CKAP2L: variants seen among roughly 807,000 people sequenced by gnomAD.
CKAP2L encodes the protein cytoskeleton associated protein 2L, also known as cytoskeleton-associated protein 2-like.
Under a neutral mutation model 65.7 loss-of-function variants are expected in CKAP2L, and 42 were observed. The ratio of observed to expected loss-of-function variants is 0.64; its 90% CI spans 0.50 to 0.83. The LOEUF (loss-of-function observed/expected upper bound fraction) is 0.83, where lower values mean the gene tolerates loss of function less well. Ranked by LOEUF, CKAP2L falls within the 40% of genes least tolerant of loss-of-function variation. The probability of loss-of-function intolerance (pLI) is 0.00; values close to 1 mark genes in which losing one functional copy is unlikely to be tolerated. For missense variants in CKAP2L, 908 were observed against 871.0 expected, an observed-to-expected ratio of 1.04 and a Z score of -0.53; for synonymous variants, 325 against 313.5, an observed-to-expected ratio of 1.04 and a Z score of -0.39.
chr2:112,741,034 G>GT (rs748267398), intron 7 of CKAP2L, 27 bp from the exon 8 acceptor site: 8 of 1,493,220 alleles, frequency 5.4e-6, no homozygotes, highest in Middle Eastern at 1.8e-4. Flanking sequence ...ATGAAGGAAA[G>GT]TAAGATTTAC....
rs1680758689 is a variant in CKAP2L at position 112,762,589 on chromosome 2, A to C, written c.38-20T>G. 2 of 1,596,652 alleles carry C rather than the reference A, an allele frequency of 1.3e-6. No homozygotes were observed. The highest frequency in any genetic ancestry group is 1.7e-5 in the Admixed American group (1 of 59,972). On this transcript the variant is annotated intron_variant, in intron 1 of 8. Transcript: ENST00000302450. ...GCTCTTCTGCAACACAGGCAAGCAA[A>C]CAAACGACATAACTTTAGTTCAAGA...
chr2:112,763,897 G>A (rs1680809415), intron 1 of CKAP2L: 1 of 152,220 alleles, frequency 6.6e-6, no homozygotes, highest in Middle Eastern at 3.2e-3. Context: ...CATCTTTAAA[G>A]CTTGTTATGT....
chr2:112,740,228 T>G (rs1182938423), intron 8 of CKAP2L, among the ~76,000 whole-genome samples: 1 of 152,188 alleles, frequency 6.6e-6, no homozygotes. Context: ...AGTTTAGGAT[T>G]GGAAGAGATT....
chr2:112,756,763 A>G lies in CKAP2L; in HGVS notation c.608T>C (p.Leu203Ser). The change falls in exon 4 of 9, where the codon TTA becomes TCA. Residue 203 changes from leucine to serine, a missense_variant. By Grantham distance (145) the Leu-to-Ser change is moderately radical. Transcript: ENST00000302450. ...AGTCTTTGGCTTACTTCTGGTATAT[A>G]ATTTAGGATCTGGCTTCCTCTCAGG... Reference protein sequence around the residue: ...TEPERKPDPKLYTRSKPKTDS... With the variant: ...TEPERKPDPKSYTRSKPKTDS... 1 of 1,602,778 alleles carries G rather than the reference A, an allele frequency of 6.2e-7. No homozygotes were observed. The highest frequency in any genetic ancestry group is 8.5e-7 in the Non-Finnish European group (1 of 1,176,728).
chr2:112,756,515 G>C lies in CKAP2L; in HGVS notation c.856C>G (p.Leu286Val), dbSNP rs186817501. 6.2e-7 allele frequency: 1 copy of C among 1,609,254 alleles called. No individual in the cohort carries two copies. Among genetic ancestry groups the C allele is most frequent in the Non-Finnish European group, 8.5e-7 (1 of 1,178,124 alleles). Residue 286 changes from leucine to valine, a missense_variant, in exon 4 of 9, where the codon CTT (leucine) becomes GTT (valine). Leu to Val is a conservative substitution (Grantham distance 32, BLOSUM62 1). Transcript: ENST00000302450. ...TTCTTTGATGACTGAACTTTACTAA[G>C]GGTCCGAATAAAGTGAGAGGGAACC... The part of the protein sequence containing the change: ...RTVPSHFIRT[L>V]SKVQSSKKPV...
At chr2:112,743,118 C>T (rs1680074294) in intron 6 of CKAP2L, among the ~76,000 whole-genome samples, 1 of 152,068 alleles carries the variant, frequency 6.6e-6, no homozygotes, top group Non-Finnish European at 1.5e-5. Flanking sequence ...TAAAGCTAGC[C>T]ACACAGAAAA....
Position 112,742,558 on chromosome 2 carries a change from T to C in CKAP2L, c.1822+148A>G, listed in dbSNP as rs545641666. ...GTAATAATACAAATAAGTCAGCTGA[T>C]GACAATGGCTGAAAGGGCCAGGTCA... On this transcript the variant is annotated intron_variant, in intron 7 of 8. Coordinates refer to ENST00000302450, the MANE Select transcript of CKAP2L (RefSeq NM_152515.5). 5 of 707,988 alleles carry C rather than the reference T, an allele frequency of 7.1e-6. No individual in the cohort carries two copies. The East Asian group carries it at 1.3e-4, about 19-fold the overall frequency. 43.9% of individuals were successfully genotyped at this position (707,988 alleles called of 1,614,324 possible).
chr2:112,748,797 T>C (rs6724272), intron 5 of CKAP2L, among the ~76,000 whole-genome samples: 79,630 of 151,052 alleles, frequency 0.53, 22,273 homozygotes, highest in African/African-American at 0.74. Context: ...CCAGGAGGTT[T>C]AAAGTTGCAG....
At position 112,762,745 on chromosome 2, in the gene CKAP2L, T is replaced by C. The variant is rs373892229; in HGVS notation, c.38-176A>G. ...GCTAACATCAACATCAACAATATCA[T>C]TTATATGCCAGGCCTACACTAAGTT... On this transcript the variant is annotated intron_variant, in intron 1 of 8. Transcript: ENST00000302450. 1.3e-4 allele frequency among the ~76,000 whole-genome samples: 20 copies of C among 152,258 alleles called. No individual in the cohort carries two copies. In the East Asian group the frequency reaches 2.3e-3, roughly 18 times the overall value.
At chr2:112,763,767 C>A (rs1248262673) in intron 1 of CKAP2L, 2 of 152,216 alleles carry the variant, frequency 1.3e-5, no homozygotes, top group African/African-American at 4.8e-5. Flanking sequence ...TCCTTAGAGA[C>A]AGCTTGGCGG....
chr2:112,741,503 C>T (rs1035375266), intron 7 of CKAP2L, among the ~76,000 whole-genome samples: 17 of 152,288 alleles, frequency 1.1e-4, no homozygotes, highest in Middle Eastern at 6.8e-3. Context: ...AACACAATCA[C>T]CAAAATGAAA....
At position 112,764,418 on chromosome 2, in the gene CKAP2L, G is replaced by T. The variant is rs979090303; in HGVS notation, c.37+144C>A. On this transcript the variant is annotated intron_variant, in intron 1 of 8. Coordinates refer to ENST00000302450, the MANE Select transcript of CKAP2L (RefSeq NM_152515.5). ...ACGTCTACCTGGGGGTCCCGTCTGC[G>T]CTCCCGGGATGGAAAACGCCCAGGG... The T allele has an allele frequency of 1.0e-5, 9 of 882,836 alleles. No homozygotes were observed. The African/African-American group carries it at 1.3e-4, about 13-fold the overall frequency. The allele number at this position is 882,836 out of a possible 1,614,324, so 54.7% of individuals were successfully genotyped here.
chr2:112,743,228 T>C (rs1227102883), intron 6 of CKAP2L, among the ~76,000 whole-genome samples: 6 of 152,002 alleles, frequency 3.9e-5, no homozygotes, highest in Non-Finnish European at 8.8e-5. Context: ...TTGCAAGCTC[T>C]GCCTCCTGGG....
chr2:112,751,083 T>C (rs61567781), intron 5 of CKAP2L, among the ~76,000 whole-genome samples: 5,049 of 152,256 alleles, frequency 0.033, 285 homozygotes, highest in African/African-American at 0.12. Flanking sequence ...TGAGAGGATA[T>C]ATACAAAATT....
intron 6 of CKAP2L, among the ~76,000 whole-genome samples, chr2:112,743,999 A>C (rs1005420899): frequency 7.2e-5 from 11 of 152,246 alleles, no homozygotes; most frequent in African/African-American, 2.4e-4. Context: ...CTGACAATAA[A>C]GCATAAAAGC....
At chr2:112,743,301 C>A (rs1415760713) in intron 6 of CKAP2L, among the ~76,000 whole-genome samples, 2 of 151,870 alleles carry the variant, frequency 1.3e-5, no homozygotes, top group South Asian at 2.1e-4. Context: ...CACCACCACG[C>A]CCAGCTAATT....
chr2:112,756,129 T>G lies in CKAP2L; in HGVS notation c.1242A>C (p.Lys414Asn), dbSNP rs1342417614. Residue 414 changes from lysine to asparagine, a missense_variant, in exon 4 of 9, where the codon AAA (lysine) becomes AAC (asparagine). Coordinates refer to ENST00000302450, the MANE Select transcript of CKAP2L (RefSeq NM_152515.5). The part of the protein sequence containing the change: ...NKHNNNGFQQ[K>N]AQTLDSKLKK... Reference sequence around the variant, plus strand: ...TCAACTTGGAGTCCAAAGTCTGTGCTTTTTGCTGAAAGCCATTATTGTTAT... The same window carrying G: ...TCAACTTGGAGTCCAAAGTCTGTGCGTTTTGCTGAAAGCCATTATTGTTAT... The G allele has an allele frequency of 6.2e-7, 1 of 1,614,202 alleles. No homozygotes were observed. The highest frequency in any genetic ancestry group is 8.5e-7 in the Non-Finnish European group (1 of 1,180,030).
At chr2:112,746,641 T>G in intron 5 of CKAP2L, 66 bp from the exon 6 acceptor site, 1 of 1,218,498 alleles carries the variant, frequency 8.2e-7, no homozygotes, top group East Asian at 2.4e-5. Context: ...CATCTCCTAA[T>G]ATTTATTACA....
At chr2:112,748,856 C>A (rs1406050225) in intron 5 of CKAP2L, among the ~76,000 whole-genome samples, 1 of 148,472 alleles carries the variant, frequency 6.7e-6, no homozygotes, top group Non-Finnish European at 1.5e-5. Context: ...AAGAGTGAAA[C>A]CCTGTCTCTT....
Sources: gnomAD v4.1 joint callset for allele counts (sites outside exome capture counted in the v4.1 genomes callset) on GRCh38, gnomAD v4.1.1 for gene constraint, MANE v1.5 for transcripts, NCBI Gene and HGNC (gene_info 2026-07-23, HGNC 2026-07-21) for gene names.